STK32A: variants seen among roughly 807,000 people sequenced by gnomAD.
STK32A encodes serine/threonine-protein kinase 32A.
STK32A carries 41 observed loss-of-function variants against 53.2 expected under a neutral mutation model. The observed-to-expected ratio is 0.77, with a 90% CI of 0.60 to 1.00. The LOEUF (loss-of-function observed/expected upper bound fraction) is 1.00, where lower values mean the gene tolerates loss of function less well. STK32A is among the 50% of genes least tolerant of loss of function. STK32A has a pLI of 0.00. For missense variants in STK32A, 458 were observed against 485.8 expected (o/e 0.94, Z 0.54); for synonymous variants, 166 against 162.8 (o/e 1.02, Z -0.15).
At chr5:147,297,485 G>T (rs1752921235) in intron 4 of STK32A, among the ~76,000 whole-genome samples, 1 of 152,208 alleles carries the variant, frequency 6.6e-6, no homozygotes, top group Non-Finnish European at 1.5e-5. Flanking sequence ...GTAGACCACA[G>T]AGTGGAGTGC....
intron 11 of STK32A, among the ~76,000 whole-genome samples, chr5:147,378,729 T>G (rs1334002436): frequency 6.6e-6 from 1 of 151,976 alleles, no homozygotes; most frequent in African/African-American, 2.4e-5. Flanking sequence ...TCTATTCTGT[T>G]TAATTGGTCT....
chr5:147,381,642 G>GAA (rs112622783), intron 11 of STK32A, among the ~76,000 whole-genome samples: 2,026 of 139,914 alleles, frequency 0.014, 38 homozygotes, highest in African/African-American at 0.05. Flanking sequence ...AAGTCTGTCA[G>GAA]AAAAAAAAAA....
At chr5:147,250,404 T>C (rs1651910758) in intron 2 of STK32A, among the ~76,000 whole-genome samples, 2 of 152,108 alleles carry the variant, frequency 1.3e-5, no homozygotes, top group African/African-American at 4.8e-5. Flanking sequence ...TCCTAATATT[T>C]AGAAACAAGG....
chr5:147,260,163 G>GTC (rs147607597), intron 2 of STK32A, among the ~76,000 whole-genome samples: 2 of 42,112 alleles, frequency 4.7e-5, no homozygotes, highest in Non-Finnish European at 4.6e-5. Flanking sequence ...TCTCCTCTCT[G>GTC]TCTCTCTCTC....
rs1753886519 is a variant in STK32A, at chr5:147,314,526, AC to A, written c.261-9371del. On this transcript the variant is annotated intron_variant, in intron 4 of 12. Transcript: ENST00000397936. ...AAAAAACAAAAAAAAACAAAAAAAA[AC>A]AAAAAAAAAAAAAGAACAAAGATTT... is the stretch of plus-strand genomic sequence containing the variant. 8.4e-3 allele frequency among the ~76,000 whole-genome samples: 140 copies of A among 16,682 alleles called. 8 individuals carry two copies. Among genetic ancestry groups the A allele is most frequent in the African/African-American group, 0.034 (134 of 3,892 alleles). The allele number at this position is 16,682 out of a possible 152,430, so 10.9% of individuals were successfully genotyped here. A position where few individuals can be genotyped will look rare whatever the true frequency, so the allele number is the denominator to read the frequency against.
At chr5:147,339,134 T>G (rs13170279) in intron 5 of STK32A, among the ~76,000 whole-genome samples, 46,497 of 152,138 alleles carry the variant, frequency 0.31, 9,856 homozygotes, top group African/African-American at 0.6. Context: ...CAAGCCCTGA[T>G]TCCTGGGAGG....
chr5:147,310,517 C>A (rs114950321), intron 4 of STK32A, among the ~76,000 whole-genome samples: 121 of 152,282 alleles, frequency 7.9e-4, no homozygotes, highest in African/African-American at 2.7e-3. Flanking sequence ...CCGGGCACCT[C>A]TCCCACGCCA....
chr5:147,393,294 A>T, the STK32A span: 4 of 152,250 alleles, frequency 2.6e-5, no homozygotes, highest in Non-Finnish European at 5.9e-5. Context: ...CCAACCCAGG[A>T]AAGAGAAGGA....
the STK32A span, among the ~76,000 whole-genome samples, chr5:147,396,359 G>C: frequency 2.6e-5 from 4 of 152,312 alleles, no homozygotes; most frequent in South Asian, 6.2e-4. Context: ...CCAGGCACTA[G>C]GGCCTTTGGC....
chr5:147,301,539 T>G (rs1167545092), intron 4 of STK32A, among the ~76,000 whole-genome samples: 1 of 152,188 alleles, frequency 6.6e-6, no homozygotes, highest in Non-Finnish European at 1.5e-5. Context: ...GTCTTTTGTT[T>G]TATTCTATGT....
chr5:147,392,631 C>CA (rs1270880963), downstream of STK32A: 1 of 152,212 alleles, frequency 6.6e-6, no homozygotes, highest in Non-Finnish European at 1.5e-5. Context: ...TCAGAAGCAG[C>CA]ATGATAGGGA....
chr5:147,268,973 G>A (rs1201593904), intron 2 of STK32A, among the ~76,000 whole-genome samples: 1 of 152,172 alleles, frequency 6.6e-6, no homozygotes, highest in African/African-American at 2.4e-5. Flanking sequence ...GATTGATTAT[G>A]TGTGTTTAAT....
At chr5:147,400,014 TA>T in the STK32A span, among the ~76,000 whole-genome samples, 1 of 152,242 alleles carries the variant, frequency 6.6e-6, no homozygotes, top group Non-Finnish European at 1.5e-5. Context: ...TTACACTGTG[TA>T]GATTAATGAG....
intron 4 of STK32A, among the ~76,000 whole-genome samples, chr5:147,304,014 A>G (rs1753273421): frequency 6.6e-6 from 1 of 152,230 alleles, no homozygotes; most frequent in Non-Finnish European, 1.5e-5. Context: ...TTTAAGCTCA[A>G]AAGAAACTCA....
chr5:147,375,999 T>C (rs1322049353), intron 11 of STK32A: 1 of 152,206 alleles, frequency 6.6e-6, no homozygotes, highest in African/African-American at 2.4e-5. Context: ...TAGGCTACTT[T>C]TTTTTAGTAG....
At chr5:147,367,975 T>C (rs1305638880) in intron 8 of STK32A, among the ~76,000 whole-genome samples, 4 of 152,222 alleles carry the variant, frequency 2.6e-5, no homozygotes, top group African/African-American at 9.6e-5. Context: ...TGCTAAACAA[T>C]TTCCTCCATA....
At chr5:147,388,118 A>G (rs1335605065), downstream of STK32A, among the ~76,000 whole-genome samples, 7 of 152,210 alleles carry the variant, frequency 4.6e-5, no homozygotes. Flanking sequence ...AACACAGCCC[A>G]GAATTCCAGT....
chr5:147,267,075 G>A (rs1242271673), intron 2 of STK32A, among the ~76,000 whole-genome samples: 1 of 150,172 alleles, frequency 6.7e-6, no homozygotes, highest in African/African-American at 2.4e-5. Context: ...CTGAAACAAA[G>A]GTAATTCATC....
chr5:147,397,885 G>C, the STK32A span: 19 of 580,684 alleles, frequency 3.3e-5, no homozygotes, highest in Non-Finnish European at 4.0e-5. Flanking sequence ...AGTAAGGGTA[G>C]AGAAAGAGGA....
Sources: allele counts gnomAD v4.1 joint callset (sites outside exome capture counted in the v4.1 genomes callset), GRCh38; gene constraint gnomAD v4.1.1; transcripts MANE v1.5; gene names NCBI Gene and HGNC (gene_info 2026-07-23, HGNC 2026-07-21).